Variants in LRRC4C observed in about 807,000 individuals in gnomAD.
LRRC4C encodes the protein leucine-rich repeat-containing protein 4C.
Under a neutral mutation model 33.6 loss-of-function variants are expected in LRRC4C, and 5 were observed. The ratio of observed to expected loss-of-function variants is 0.15; its 90% CI spans 0.08 to 0.31. The LOEUF (loss-of-function observed/expected upper bound fraction) is 0.31, where lower values mean the gene tolerates loss of function less well. LRRC4C is among the 10% of genes least tolerant of loss of function. The pLI is 1.00. For missense variants in LRRC4C, 560 were observed against 796.7 expected, an observed-to-expected ratio of 0.70 and a Z score of 3.58; for synonymous variants, 329 against 302.0, an observed-to-expected ratio of 1.09 and a Z score of -0.93.
intron 2 of LRRC4C, among the ~76,000 whole-genome samples, chr11:40,901,696 A>T (rs1233912797): frequency 6.6e-6 from 1 of 152,080 alleles, no homozygotes; most frequent in East Asian, 1.9e-4. Flanking sequence ...AATAGATAGG[A>T]AGCAATACAA....
At chr11:40,388,896 A>G (rs1175387429) in intron 3 of LRRC4C, among the ~76,000 whole-genome samples, 1 of 152,188 alleles carries the variant, frequency 6.6e-6, no homozygotes, top group Non-Finnish European at 1.5e-5. Context: ...TGGAGACATC[A>G]GCCTTCTCCC....
At chr11:40,714,668 T>C (rs1946622747) in intron 2 of LRRC4C, among the ~76,000 whole-genome samples, 1 of 152,176 alleles carries the variant, frequency 6.6e-6, no homozygotes. Flanking sequence ...GGGAGGCTGA[T>C]ATTGTTATGA....
intron 2 of LRRC4C, among the ~76,000 whole-genome samples, chr11:40,707,055 T>C (rs2136542325): frequency 6.6e-6 from 1 of 152,344 alleles, no homozygotes; most frequent in Non-Finnish European, 1.5e-5. Context: ...TTTTGCACAT[T>C]GATTTTGTAT....
chr11:41,436,614 T>A (rs934774118), intron 1 of LRRC4C, among the ~76,000 whole-genome samples: 3 of 152,208 alleles, frequency 2.0e-5, no homozygotes, highest in African/African-American at 7.2e-5. Context: ...TCTGATAATG[T>A]ACAGAAATCT....
intron 1 of LRRC4C, among the ~76,000 whole-genome samples, chr11:41,353,861 T>A (rs1952067577): frequency 6.6e-6 from 1 of 151,070 alleles, no homozygotes. Context: ...AATCTAGGAG[T>A]CGAAGGAATG....
chr11:40,786,351 T>C (rs904687102), intron 2 of LRRC4C, among the ~76,000 whole-genome samples: 1 of 152,158 alleles, frequency 6.6e-6, no homozygotes, highest in Non-Finnish European at 1.5e-5. Flanking sequence ...CTTGTGCAGT[T>C]GAGCTTGCCA....
chr11:41,175,999 T>C (rs1211796809), intron 1 of LRRC4C, among the ~76,000 whole-genome samples: 1 of 152,168 alleles, frequency 6.6e-6, no homozygotes, highest in Admixed American at 6.5e-5. Flanking sequence ...TAAGTACTCG[T>C]CCTACGCATT....
chr11:40,300,665 C>A (rs558269307), intron 4 of LRRC4C, among the ~76,000 whole-genome samples: 1 of 152,290 alleles, frequency 6.6e-6, no homozygotes, highest in East Asian at 1.9e-4. Flanking sequence ...TGGATAGCCT[C>A]ACATACATTT....
intron 2 of LRRC4C, among the ~76,000 whole-genome samples, chr11:40,729,935 G>C (rs1947474235): frequency 6.6e-6 from 1 of 152,120 alleles, no homozygotes; most frequent in African/African-American, 2.4e-5. Context: ...CATAAAAAAT[G>C]ATGAGTTCAT....
At chr11:40,302,003 TAA>T (rs1295385817) in intron 4 of LRRC4C, among the ~76,000 whole-genome samples, 1 of 152,040 alleles carries the variant, frequency 6.6e-6, no homozygotes, top group African/African-American at 2.4e-5. Context: ...TATAAAGAAA[TAA>T]AGACTTTCAA....
At chr11:41,384,641 T>C (rs1445207374) in intron 1 of LRRC4C, among the ~76,000 whole-genome samples, 2 of 151,320 alleles carry the variant, frequency 1.3e-5, no homozygotes, top group Non-Finnish European at 3.0e-5. Flanking sequence ...AGATAAAATA[T>C]GTGTACTCTG....
At chr11:40,300,659 T>A (rs934740765) in intron 4 of LRRC4C, among the ~76,000 whole-genome samples, 2 of 152,228 alleles carry the variant, frequency 1.3e-5, no homozygotes. Context: ...AATCTGTGGA[T>A]AGCCTCACAT....
At chr11:40,371,561 A>C (rs190225651) in intron 3 of LRRC4C, among the ~76,000 whole-genome samples, 2 of 152,208 alleles carry the variant, frequency 1.3e-5, no homozygotes, top group East Asian at 3.8e-4. Flanking sequence ...AGACTTGCTG[A>C]GTTTAAAGGC....
chr11:40,338,254 T>G (rs1245764531), intron 3 of LRRC4C, among the ~76,000 whole-genome samples: 1 of 152,204 alleles, frequency 6.6e-6, no homozygotes, highest in Non-Finnish European at 1.5e-5. Context: ...GTAAATAAGT[T>G]CAATGTGAAA....
At chr11:41,004,926 CAG>C (rs1324010027) in intron 1 of LRRC4C, among the ~76,000 whole-genome samples, 3 of 151,928 alleles carry the variant, frequency 2.0e-5, no homozygotes, top group Non-Finnish European at 4.4e-5. Context: ...GGTTAGAAAA[CAG>C]AAAAAAATGC....
chr11:40,171,377 A>T (rs4756579), intron 5 of LRRC4C, among the ~76,000 whole-genome samples: 6 of 152,136 alleles, frequency 3.9e-5, no homozygotes, highest in Non-Finnish European at 8.8e-5. Flanking sequence ...GGAGGCAAAA[A>T]TTTATGAACA....
intron 1 of LRRC4C, among the ~76,000 whole-genome samples, chr11:41,359,866 T>C (rs1384298782): frequency 1.3e-5 from 2 of 152,132 alleles, no homozygotes; most frequent in Non-Finnish European, 2.9e-5. Context: ...CTTTCATCTA[T>C]ATGTTTTCTG....
chr11:41,143,992 G>T (rs564917939), intron 1 of LRRC4C, among the ~76,000 whole-genome samples: 1 of 152,278 alleles, frequency 6.6e-6, no homozygotes, highest in Admixed American at 6.5e-5. Context: ...AAGTCTTTGA[G>T]AATTAGAAAA....
intron 5 of LRRC4C, among the ~76,000 whole-genome samples, chr11:40,230,780 A>G (rs1433967867): frequency 6.6e-6 from 1 of 152,198 alleles, no homozygotes; most frequent in East Asian, 1.9e-4. Flanking sequence ...AAAAGGATGA[A>G]TCAAATATAG....
Sources: gnomAD v4.1 joint callset for allele counts (sites outside exome capture counted in the v4.1 genomes callset) on GRCh38, gnomAD v4.1.1 for gene constraint, MANE v1.5 for transcripts, NCBI Gene and HGNC (gene_info 2026-07-23, HGNC 2026-07-21) for gene names.